ENOX1: variants seen among roughly 807,000 people sequenced by gnomAD.
The protein encoded by ENOX1 is candidate growth-related and time keeping constitutive hydroquinone (NADH) oxidase.
A neutral mutation model predicts 82.5 loss-of-function variants in ENOX1; 42 were observed. That is an observed-to-expected ratio of 0.51 (90% CI 0.40 to 0.66). The LOEUF (loss-of-function observed/expected upper bound fraction) is 0.66. Among genes scored for constraint, ENOX1 ranks in the 30% least tolerant of loss-of-function variants. ENOX1 has a pLI of 0.00. For synonymous variants in ENOX1, 271 were observed against 282.2 expected (o/e 0.96, Z 0.40); for missense variants, 608 against 811.6 (o/e 0.75, Z 3.05).
chr13:43,289,172 C>G (rs2045866148), intron 12 of ENOX1, among the ~76,000 whole-genome samples: 1 of 152,090 alleles, frequency 6.6e-6, no homozygotes, highest in African/African-American at 2.4e-5. Context: ...CACCACTATT[C>G]CTATCAAATT....
At chr13:43,420,145 C>T (rs550667819) in intron 3 of ENOX1, among the ~76,000 whole-genome samples, 60 of 152,234 alleles carry the variant, frequency 3.9e-4, no homozygotes, top group African/African-American at 1.4e-3. Context: ...TACCTAACTT[C>T]GATCTTCACA....
At chr13:43,233,195 A>G (rs528848593) in intron 15 of ENOX1, among the ~76,000 whole-genome samples, 1 of 152,334 alleles carries the variant, frequency 6.6e-6, no homozygotes, top group African/African-American at 2.4e-5. Flanking sequence ...CCCCCATAAA[A>G]ACAGAATTCT....
chr13:43,723,900 A>G (rs963631292), intron 1 of ENOX1, among the ~76,000 whole-genome samples: 7 of 152,232 alleles, frequency 4.6e-5, no homozygotes, highest in African/African-American at 1.4e-4. Context: ...AAAAATGTCC[A>G]AACACAAGCT....
At chr13:43,355,811 T>C (rs985112021) in intron 8 of ENOX1, 108 bp downstream of exon 8, 25 of 1,097,892 alleles carry the variant, frequency 2.3e-5, no homozygotes, top group Non-Finnish European at 3.1e-5. Flanking sequence ...TCTTAAGGCA[T>C]AGCAGACATT....
intron 14 of ENOX1, among the ~76,000 whole-genome samples, chr13:43,262,521 A>G (rs540030956): frequency 6.6e-6 from 1 of 152,326 alleles, no homozygotes; most frequent in African/African-American, 2.4e-5. Context: ...CCTGTCTGCT[A>G]TATTAAATAC....
At chr13:43,638,819 T>C (rs1258727641) in intron 2 of ENOX1, among the ~76,000 whole-genome samples, 2 of 152,232 alleles carry the variant, frequency 1.3e-5, no homozygotes, top group African/African-American at 2.4e-5. Context: ...TATCTAAATA[T>C]TGGATTTTAA....
chr13:43,620,408 G>C (rs2082673196), intron 2 of ENOX1, among the ~76,000 whole-genome samples: 2 of 151,958 alleles, frequency 1.3e-5, no homozygotes, highest in African/African-American at 4.8e-5. Flanking sequence ...TTTTAGCACT[G>C]CTTTTGCTGT....
chr13:43,221,564 T>G (rs7985254), intron 16 of ENOX1, among the ~76,000 whole-genome samples: 113,098 of 152,096 alleles, frequency 0.74, 43,310 homozygotes, highest in East Asian at 0.87. Context: ...CTTTTTCAAG[T>G]GTTTCTGATA....
intron 2 of ENOX1, among the ~76,000 whole-genome samples, chr13:43,565,414 C>T (rs1160838481): frequency 2.0e-5 from 3 of 152,130 alleles, no homozygotes; most frequent in Non-Finnish European, 4.4e-5. Context: ...AGCAGCTCCT[C>T]AGCTCTGGAC....
At chr13:43,375,278 G>A (rs2051542942) in intron 5 of ENOX1, among the ~76,000 whole-genome samples, 1 of 152,058 alleles carries the variant, frequency 6.6e-6, no homozygotes, top group African/African-American at 2.4e-5. Flanking sequence ...GAGTGAGAGA[G>A]AGAGAGATAG....
chr13:43,339,497 T>C (rs1250749691), intron 9 of ENOX1, among the ~76,000 whole-genome samples: 2 of 152,194 alleles, frequency 1.3e-5, no homozygotes, highest in Non-Finnish European at 2.9e-5. Flanking sequence ...TACCTGATCT[T>C]CCCTAGAAGC....
chr13:43,637,680 T>A (rs1279082778), intron 2 of ENOX1, among the ~76,000 whole-genome samples: 2 of 152,158 alleles, frequency 1.3e-5, no homozygotes, highest in African/African-American at 4.8e-5. Flanking sequence ...TAACAAATTC[T>A]GATTATCTCT....
chr13:43,554,018 G>C (rs1444646473), intron 2 of ENOX1, among the ~76,000 whole-genome samples: 1 of 152,098 alleles, frequency 6.6e-6, no homozygotes, highest in Non-Finnish European at 1.5e-5. Flanking sequence ...CAAAGTGCTG[G>C]GATTACAGGC....
At chr13:43,531,825 CA>C (rs917183430) in intron 2 of ENOX1, among the ~76,000 whole-genome samples, 3 of 148,540 alleles carry the variant, frequency 2.0e-5, no homozygotes, top group African/African-American at 7.5e-5. Context: ...ATCGCAAGGA[CA>C]AAAAACCCAA....
At chr13:43,414,576 C>CT (rs2054329784) in intron 3 of ENOX1, among the ~76,000 whole-genome samples, 1 of 152,192 alleles carries the variant, frequency 6.6e-6, no homozygotes, top group Non-Finnish European at 1.5e-5. Context: ...TATTCACCAA[C>CT]GATCTTTCTA....
At chr13:43,224,289 C>A in intron 15 of ENOX1, 151 bp from the exon 16 acceptor site, 1 of 628,336 alleles carries the variant, frequency 1.6e-6, no homozygotes. Flanking sequence ...AATAATAGCA[C>A]ATTCTGAAGG....
intron 12 of ENOX1, among the ~76,000 whole-genome samples, chr13:43,270,781 T>C (rs1038273353): frequency 7.9e-5 from 12 of 152,212 alleles, no homozygotes; most frequent in Admixed American, 7.2e-4. Context: ...CAGTGATTTC[T>C]TGCAATTTTC....
rs57243819 is a variant in ENOX1, at chr13:43,648,052, T to A, written c.-219+19427A>T. Among the ~76,000 whole-genome samples, 320 of 152,306 alleles carry A rather than the reference T, an allele frequency of 2.1e-3. 3 individuals are homozygous for A. The highest frequency in any genetic ancestry group is 7.2e-3 in the African/African-American group (298 of 41,570). ...TGCTGACACTTTGATTTGAGCCCAGTGAGAACTGTGTTGGACTTCCGACCT... is the reference window on the plus strand; with the variant it reads ...TGCTGACACTTTGATTTGAGCCCAGAGAGAACTGTGTTGGACTTCCGACCT... On this transcript the variant is annotated intron_variant, in intron 2 of 16. Coordinates refer to ENST00000690772, the MANE Select transcript of ENOX1 (RefSeq NM_001347969.2).
intron 2 of ENOX1, among the ~76,000 whole-genome samples, chr13:43,588,410 C>A (rs1006559903): frequency 1.3e-5 from 2 of 152,156 alleles, no homozygotes; most frequent in Non-Finnish European, 2.9e-5. Context: ...ATCGTCATAA[C>A]GCTTACAACA....
Sources: allele counts gnomAD v4.1 joint callset (sites outside exome capture counted in the v4.1 genomes callset), GRCh38; gene constraint gnomAD v4.1.1; transcripts MANE v1.5; gene names NCBI Gene and HGNC (gene_info 2026-07-23, HGNC 2026-07-21).